Variants in BRINP3 observed in about 807,000 individuals in gnomAD.
BRINP3 encodes the protein BMP/retinoic acid-inducible neural-specific protein 3.
A neutral mutation model predicts 71.0 loss-of-function variants in BRINP3; 19 were observed. The observed-to-expected ratio is 0.27, with a 90% CI of 0.19 to 0.39. BRINP3 has a LOEUF of 0.39. BRINP3 is among the 10% of genes least tolerant of loss of function. BRINP3 has a pLI of 1.00. For synonymous variants in BRINP3, 380 were observed against 337.7 expected, an observed-to-expected ratio of 1.13 and a Z score of -1.37; for missense variants, 959 against 940.8, an observed-to-expected ratio of 1.02 and a Z score of -0.25.
At chr1:190,466,168 CAAAT>C (rs925325103) in intron 1 of BRINP3, among the ~76,000 whole-genome samples, 3 of 149,276 alleles carry the variant, frequency 2.0e-5, no homozygotes, top group African/African-American at 7.4e-5. Flanking sequence ...ACAATGATCT[CAAAT>C]AAAAACTAAA....
rs1306355384 is a variant in BRINP3 at position 190,098,509 on chromosome 1, G to A, written c.1810C>T (p.Pro604Ser). ...PDWERTKLDLPLQCYNWTLTL... is the reference protein window; with the variant it reads ...PDWERTKLDLSLQCYNWTLTL... ...AATGTCCAGTTATAACACTGCAGGG[G>A]TAGGTCCAACTTAGTCCGCTCCCAG... The change falls in exon 8 of 8, where the codon CCC becomes TCC. Residue 604 changes from proline to serine, a missense_variant. By Grantham distance (74) the Pro-to-Ser change is moderately conservative (BLOSUM62 -1). Coordinates refer to ENST00000367462, the MANE Select transcript of BRINP3 (RefSeq NM_199051.3). 1.2e-6 allele frequency: 2 copies of A among 1,614,024 alleles called. No individual in the cohort carries two copies. Among genetic ancestry groups the A allele is most frequent in the East Asian group, 4.5e-5 (2 of 44,892 alleles).
At chr1:190,475,641 A>G (rs1677448314) in intron 1 of BRINP3, 1 of 152,176 alleles carries the variant, frequency 6.6e-6, no homozygotes, top group Non-Finnish European at 1.5e-5. Flanking sequence ...CGTTGCCGTG[A>G]GCTGCGGAGA....
Position 190,099,492 on chromosome 1 carries a change from T to C in BRINP3, c.1185-358A>G, listed in dbSNP as rs529825941. The stretch of plus-strand genomic sequence containing the variant: ...CATTGTAAATAAAAATGGGTCATTA[T>C]TGTTTTGAAATAAGAAGAAGAAAGG... On this transcript the variant is annotated intron_variant, in intron 7 of 7. Transcript: ENST00000367462. Among the ~76,000 whole-genome samples the C allele has an allele frequency of 1.2e-4, 19 of 152,318 alleles. 1 individual carries two copies. The East Asian group carries it at 3.3e-3, about 26-fold the overall frequency.
At chr1:190,221,033 C>G (rs1656840760) in intron 6 of BRINP3, among the ~76,000 whole-genome samples, 1 of 152,108 alleles carries the variant, frequency 6.6e-6, no homozygotes, top group African/African-American at 2.4e-5. Flanking sequence ...GCCTGGCCAA[C>G]ATGGTGAAAC....
intron 2 of BRINP3, among the ~76,000 whole-genome samples, chr1:190,420,623 T>C (rs918964859): frequency 6.6e-6 from 1 of 151,928 alleles, no homozygotes; most frequent in Non-Finnish European, 1.5e-5. Context: ...TTTTGAAAAC[T>C]TTCCGTTTGG....
At chr1:190,266,582 G>T (rs1367433202) in intron 3 of BRINP3, among the ~76,000 whole-genome samples, 2 of 151,984 alleles carry the variant, frequency 1.3e-5, no homozygotes, top group East Asian at 1.9e-4. Flanking sequence ...AAGAGAAAAA[G>T]AATACATACA....
At chr1:190,425,758 T>C (rs1673664219) in intron 2 of BRINP3, among the ~76,000 whole-genome samples, 1 of 151,830 alleles carries the variant, frequency 6.6e-6, no homozygotes, top group African/African-American at 2.4e-5. Flanking sequence ...TAAATAAGTA[T>C]ACTTGTTAGA....
intron 7 of BRINP3, among the ~76,000 whole-genome samples, chr1:190,109,631 T>C (rs1201928503): frequency 1.3e-5 from 2 of 152,220 alleles, no homozygotes; most frequent in Non-Finnish European, 2.9e-5. Flanking sequence ...ATAAAGAAGA[T>C]GTGCTCTCAC....
chr1:190,410,208 G>C (rs1320980122), intron 2 of BRINP3, among the ~76,000 whole-genome samples: 1 of 152,052 alleles, frequency 6.6e-6, no homozygotes, highest in Non-Finnish European at 1.5e-5. Context: ...TAAACCATGC[G>C]TGTAGTACAA....
At chr1:190,450,985 A>C (rs1463707129) in intron 2 of BRINP3, among the ~76,000 whole-genome samples, 1 of 152,130 alleles carries the variant, frequency 6.6e-6, no homozygotes, top group Non-Finnish European at 1.5e-5. Context: ...GACTGAAAAG[A>C]CCAGTAAGTC....
intron 2 of BRINP3, among the ~76,000 whole-genome samples, chr1:190,338,244 T>C (rs951713832): frequency 1.1e-4 from 17 of 152,208 alleles, no homozygotes; most frequent in African/African-American, 4.1e-4. Flanking sequence ...GGAAACTAAA[T>C]AGAGCAGACT....
chr1:190,368,276 G>A (rs1455011015), intron 2 of BRINP3, among the ~76,000 whole-genome samples: 1 of 152,020 alleles, frequency 6.6e-6, no homozygotes, highest in Non-Finnish European at 1.5e-5. Context: ...AAGGGGGAAA[G>A]ACTCCTTATA....
rs540063231 is a variant in BRINP3 at position 190,261,974 on chromosome 1, T to C, written c.618+2891A>G. On this transcript the variant is annotated intron_variant, in intron 4 of 7. Coordinates refer to ENST00000367462, the MANE Select transcript of BRINP3 (RefSeq NM_199051.3). ...AAGTCCCCTCACACATCTACTCAGT[T>C]CCTCATATTTACTTCTAAGCACTTG... Among the ~76,000 whole-genome samples the C allele has an allele frequency of 5.3e-5, 8 of 152,278 alleles. No individual in the cohort carries two copies. The East Asian group carries it at 1.4e-3, about 26-fold the overall frequency.
intron 2 of BRINP3, among the ~76,000 whole-genome samples, chr1:190,323,686 T>A: frequency 6.6e-6 from 1 of 151,854 alleles, no homozygotes; most frequent in African/African-American, 2.4e-5. Context: ...TAACTTATAC[T>A]CTGAGATTAC....
rs536202916 is a variant in BRINP3 at position 190,287,721 on chromosome 1, T to C, written c.237-5971A>G. Among the ~76,000 whole-genome samples, 8 of 152,228 alleles carry C rather than the reference T, an allele frequency of 5.3e-5. No homozygotes were observed. In the South Asian group the frequency reaches 1.7e-3, roughly 32 times the overall value. On this transcript the variant is annotated intron_variant, in intron 2 of 7. Transcript: ENST00000367462. The stretch of plus-strand genomic sequence containing the variant: ...TGCCATCTCAGTAGAACAACAAGAA[T>C]TAATTGTAGCTGTAACCTCATGACT...
Position 190,160,693 on chromosome 1 carries a change from G to T in BRINP3, c.1159C>A (p.Pro387Thr). ...CTTTGTCTTGGCAGGCTGATGAGGG[G>T]TTGTTTATGACACCTCTTGCTAAGG... ...FSLSKRCHKQ[P>T]LISLPRQRTS... The change falls in exon 7 of 8, where the codon CCC (proline) becomes ACC (threonine). Residue 387 changes from proline (P) to threonine (T), a missense_variant. Coordinates refer to ENST00000367462, the MANE Select transcript of BRINP3 (RefSeq NM_199051.3). The T allele has an allele frequency of 6.2e-7, 1 of 1,613,206 alleles. No individual in the cohort carries two copies. Among genetic ancestry groups the T allele is most frequent in the Non-Finnish European group, 8.5e-7 (1 of 1,179,578 alleles).
At chr1:190,181,590 C>T (rs754536959) in intron 6 of BRINP3, among the ~76,000 whole-genome samples, 5 of 151,850 alleles carry the variant, frequency 3.3e-5, no homozygotes, top group African/African-American at 9.7e-5. Flanking sequence ...TTACACTATG[C>T]GTACAAAACT....
At chr1:190,364,948 C>T (rs1214849559) in intron 2 of BRINP3, among the ~76,000 whole-genome samples, 1 of 151,996 alleles carries the variant, frequency 6.6e-6, no homozygotes, top group African/African-American at 2.4e-5. Context: ...TAACTCAAGA[C>T]TCTATGGACT....
At chr1:190,164,009 T>G (rs535796166) in intron 6 of BRINP3, among the ~76,000 whole-genome samples, 5 of 152,158 alleles carry the variant, frequency 3.3e-5, no homozygotes, top group Admixed American at 3.3e-4. Context: ...TTAAATTATC[T>G]TATGTATTTA....
Sources: gnomAD v4.1 joint callset for allele counts (sites outside exome capture counted in the v4.1 genomes callset) on GRCh38, gnomAD v4.1.1 for gene constraint, MANE v1.5 for transcripts, NCBI Gene and HGNC (gene_info 2026-07-23, HGNC 2026-07-21) for gene names.